The following CSMD2 variants were observed in gnomAD, a reference collection of about 807,000 sequenced individuals.
CSMD2 encodes CUB and sushi domain-containing protein 2.
A neutral mutation model predicts 398.5 loss-of-function variants in CSMD2; 130 were observed. The observed-to-expected ratio is 0.33, with a 90% CI of 0.28 to 0.38. The LOEUF (loss-of-function observed/expected upper bound fraction) is 0.38. Ranked by LOEUF, CSMD2 falls within the 10% of genes least tolerant of loss-of-function variation. CSMD2 has a pLI of 1.00. For missense variants in CSMD2, 3,829 were observed against 4,764.9 expected (o/e 0.80, Z 5.78); for synonymous variants, 1,828 against 1,908.5 (o/e 0.96, Z 1.10).
chr1:33,640,529 C>T (rs988336593), intron 29 of CSMD2, among the ~76,000 whole-genome samples: 4 of 152,170 alleles, frequency 2.6e-5, no homozygotes, highest in African/African-American at 9.7e-5. Context: ...TTTAGCATTA[C>T]GAAGCAGAGC....
intron 17 of CSMD2, among the ~76,000 whole-genome samples, chr1:33,725,136 C>T (rs995921393): frequency 2.6e-5 from 4 of 152,164 alleles, no homozygotes; most frequent in Non-Finnish European, 4.4e-5. Context: ...AAGGGCCTAG[C>T]GTGAAGGTTG....
At position 33,542,563 on chromosome 1, in the gene CSMD2, G is replaced by A. The variant is rs994558865; in HGVS notation, c.9277+157C>T. ...TACTTCGCTCAGTGGCTGCCACATA[G>A]CATATGCTCAACAGAGGCTATTCAT... On this transcript the variant is annotated intron_variant, in intron 58 of 70. Transcript: ENST00000373381. Among the ~76,000 whole-genome samples the A allele has an allele frequency of 8.5e-5, 13 of 152,362 alleles. No homozygotes were observed. The East Asian group carries it at 1.9e-3, about 23-fold the overall frequency.
At position 33,587,169 on chromosome 1, in the gene CSMD2, C is replaced by T; in HGVS notation, c.6857-1G>A. 6.2e-7 allele frequency: 1 copy of T among 1,605,642 alleles called. No homozygotes were observed. The highest frequency in any genetic ancestry group is 8.5e-7 in the Non-Finnish European group (1 of 1,176,056). On this transcript the variant is annotated splice_acceptor_variant, in intron 44 of 70. Coordinates refer to ENST00000373381, the MANE Select transcript of CSMD2 (RefSeq NM_001281956.2). LOFTEE classifies it high-confidence loss of function. Reference sequence around the variant, plus strand: ...GGAGGGCATTTGGTGAGTGGATAAGCTGAAAAGATAAAAGCAGGCAAGTCA... The same window carrying T: ...GGAGGGCATTTGGTGAGTGGATAAGTTGAAAAGATAAAAGCAGGCAAGTCA...
intron 48 of CSMD2, among the ~76,000 whole-genome samples, chr1:33,578,030 G>A (rs911735449): frequency 3.9e-5 from 6 of 152,038 alleles, no homozygotes; most frequent in Non-Finnish European, 5.9e-5. Flanking sequence ...TGTAGATTGC[G>A]TACATAAAGC....
intron 1 of CSMD2, among the ~76,000 whole-genome samples, chr1:34,145,202 G>C (rs554171198): frequency 6.6e-6 from 1 of 152,334 alleles, no homozygotes; most frequent in African/African-American, 2.4e-5. Context: ...GTCCTAAGAA[G>C]ATGCCTTTTC....
intron 2 of CSMD2, among the ~76,000 whole-genome samples, chr1:34,055,363 AT>A (rs751331694): frequency 6.6e-6 from 1 of 152,164 alleles, no homozygotes. Context: ...TTCAACTCTG[AT>A]TATCTACCTG....
chr1:33,571,449 C>T (rs182455710), intron 51 of CSMD2, 83 bp downstream of exon 51: 2 of 1,119,090 alleles, frequency 1.8e-6, no homozygotes, highest in East Asian at 2.9e-5. Context: ...CCTTTTTCCC[C>T]CACCCCAGTT....
At chr1:33,586,476 C>T (rs573826704) in intron 46 of CSMD2, 28 bp downstream of exon 46, 2 of 1,432,456 alleles carry the variant, frequency 1.4e-6, no homozygotes, top group South Asian at 1.1e-5. Context: ...CTTCTAGGCC[C>T]CATACAGATG....
At chr1:33,794,882 A>T (rs564178835) in intron 10 of CSMD2, among the ~76,000 whole-genome samples, 2 of 151,740 alleles carry the variant, frequency 1.3e-5, no homozygotes, top group East Asian at 3.9e-4. Context: ...GCCTGTAGCA[A>T]GGTCTAGGTG....
intron 44 of CSMD2, among the ~76,000 whole-genome samples, chr1:33,592,672 G>C (rs189318469): frequency 6.6e-6 from 1 of 152,060 alleles, no homozygotes; most frequent in African/African-American, 2.4e-5. Context: ...CATGACGGCC[G>C]GGCGCGGTGG....
intron 2 of CSMD2, among the ~76,000 whole-genome samples, chr1:34,050,338 G>A (rs1438999044): frequency 6.6e-6 from 1 of 152,208 alleles, no homozygotes; most frequent in Non-Finnish European, 1.5e-5. Flanking sequence ...TGTATGCAGT[G>A]CTTCTGCCAA....
At position 33,571,670 on chromosome 1, in the gene CSMD2, T is replaced by C. The variant is rs773864423; in HGVS notation, c.7819A>G (p.Ile2607Val). 1.9e-6 allele frequency: 3 copies of C among 1,578,746 alleles called. No homozygotes were observed. The highest frequency in any genetic ancestry group is 2.6e-6 in the Non-Finnish European group (3 of 1,156,688). Residue 2607 changes from isoleucine (I) to valine (V), a missense_variant, in exon 51 of 71, where the codon ATC becomes GTC. By Grantham distance (29) the Ile-to-Val change is conservative. Around this residue, in one of 5 missense-constraint regions of CSMD2, gnomAD observed 723 missense variants for 758.6 expected, o/e 0.95. Coordinates refer to ENST00000373381, the MANE Select transcript of CSMD2 (RefSeq NM_001281956.2). ...TGGAACTGATACTGTGTCTCAAAGATAAGCCTCCATCGGCCATGCTCCACG... is the reference window on the plus strand; with the variant it reads ...TGGAACTGATACTGTGTCTCAAAGACAAGCCTCCATCGGCCATGCTCCACG... ...ISVEHGRWRL[I>V]FETQYQFQAQ...
chr1:33,990,044 GC>G (rs1646496671), intron 3 of CSMD2, among the ~76,000 whole-genome samples: 1 of 152,076 alleles, frequency 6.6e-6, no homozygotes, highest in African/African-American at 2.4e-5. Context: ...GCTGAGGCTG[GC>G]AGATCACCTG....
rs556789993 is a variant in CSMD2, at chr1:33,634,601, T to C, written c.5086+613A>G. On this transcript the variant is annotated intron_variant, in intron 31 of 70. Transcript: ENST00000373381. ...TGAATGCCTCCAAGGCTGGCAGGACTCTTGAATGTCCCCACTGCCAACCAG... is the reference window on the plus strand; with the variant it reads ...TGAATGCCTCCAAGGCTGGCAGGACCCTTGAATGTCCCCACTGCCAACCAG... Among the ~76,000 whole-genome samples the C allele has an allele frequency of 3.8e-4, 58 of 152,354 alleles. 1 individual carries two copies. Among genetic ancestry groups the C allele is most frequent in the African/African-American group, 1.3e-3 (56 of 41,582 alleles).
intron 58 of CSMD2, among the ~76,000 whole-genome samples, 166 bp from the exon 59 acceptor site, chr1:33,541,475 CTTTTTT>C (rs965866453): frequency 6.6e-6 from 1 of 151,574 alleles, no homozygotes; most frequent in African/African-American, 2.4e-5. Context: ...TTCTAAATTT[CTTTTTT>C]TTTAAGTCAG....
chr1:33,537,548 G>A lies in CSMD2; in HGVS notation c.9693C>T (p.Ser3231=). 6.2e-7 allele frequency: 1 copy of A among 1,614,216 alleles called. No individual in the cohort carries two copies. ...AGGAGAAGGAGACAGATGACCTGTA[G>A]GAGAAGCCTCGGTCCTCTCTCCTCC... ...SRGRREDRGF[S]YRSSVSFSCH... The change falls in exon 61 of 71, where the codon TCC becomes TCT. Residue 3231 remains serine, a synonymous_variant. Coordinates refer to ENST00000373381, the MANE Select transcript of CSMD2 (RefSeq NM_001281956.2). This position sits in a 1 kb window ranked among gnomAD's most constrained non-coding sequence, Gnocchi z 4.6.
intron 4 of CSMD2, among the ~76,000 whole-genome samples, chr1:33,930,473 C>A (rs1051754375): frequency 1.3e-5 from 2 of 152,210 alleles, no homozygotes; most frequent in African/African-American, 4.8e-5. Context: ...CTTCTGCAGA[C>A]CGTATTCCGT....
intron 1 of CSMD2, among the ~76,000 whole-genome samples, chr1:34,122,978 G>C (rs1246544477): frequency 1.6e-4 from 24 of 152,194 alleles, no homozygotes; most frequent in Admixed American, 1.6e-3. Flanking sequence ...CAAGAGTCCT[G>C]GCAGGTAGGT....
chr1:34,119,185 T>C (rs1449847483), intron 1 of CSMD2, among the ~76,000 whole-genome samples: 2 of 152,222 alleles, frequency 1.3e-5, no homozygotes, highest in East Asian at 1.9e-4. Flanking sequence ...ATGGCCTCTT[T>C]AACAAATGTT....
Sources: gnomAD v4.1 joint callset for allele counts (sites outside exome capture counted in the v4.1 genomes callset) on GRCh38, gnomAD v4.1.1 for gene constraint, gnomAD v4.1.1 regional missense constraint, Gnocchi (gnomAD v3.1) non-coding constraint, MANE v1.5 for transcripts, NCBI Gene and HGNC (gene_info 2026-07-23, HGNC 2026-07-21) for gene names.